CGN: variants seen among roughly 807,000 people sequenced by gnomAD.
The protein encoded by CGN is cingulin.
Under a neutral mutation model 157.1 loss-of-function variants are expected in CGN, and 121 were observed. The observed-to-expected ratio is 0.77, with a 90% CI of 0.66 to 0.90. CGN has a LOEUF of 0.90. CGN is among the 40% of genes least tolerant of loss of function. CGN has a pLI of 0.00. For synonymous variants in CGN, 535 were observed against 607.5 expected (o/e 0.88, Z 1.76); for missense variants, 1,424 against 1,520.9 (o/e 0.94, Z 1.06).
At chr1:151,522,015 C>T (rs575241433) in intron 5 of CGN, among the ~76,000 whole-genome samples, 3 of 152,172 alleles carry the variant, frequency 2.0e-5, no homozygotes, top group South Asian at 2.1e-4. Flanking sequence ...TGGTGGCTTA[C>T]GCCTATAATC....
At chr1:151,532,895 A>T (rs892690461) in intron 14 of CGN, among the ~76,000 whole-genome samples, 1 of 152,122 alleles carries the variant, frequency 6.6e-6, no homozygotes, top group Non-Finnish European at 1.5e-5. Context: ...CTAGGATAAC[A>T]GGCATGAGCC....
intron 13 of CGN, among the ~76,000 whole-genome samples, chr1:151,531,934 C>CAA (rs1435936029): frequency 7.9e-5 from 12 of 151,108 alleles, no homozygotes; most frequent in Admixed American, 2.0e-4. Context: ...TTTATCATTT[C>CAA]TGAAATAGAG....
In CGN at chr1:151,529,418, G is replaced by A; in HGVS notation, c.1965G>A (p.Gly655=). ...QAERQSQEVA[G]RHRDRELEKQ... ...AACGGCAGAGCCAGGAGGTGGCTGG[G>A]CGACACCGGGACCGGGAGTTGGAGA... Residue 655 remains glycine (G), a synonymous_variant, in exon 11 of 21, where the codon GGG becomes GGA. Transcript: ENST00000271636. The A allele has an allele frequency of 6.2e-7, 1 of 1,613,710 alleles. No homozygotes were observed. Among genetic ancestry groups the A allele is most frequent in the Non-Finnish European group, 8.5e-7 (1 of 1,179,868 alleles).
chr1:151,524,109 C>T lies in CGN; in HGVS notation c.1269-117C>T, dbSNP rs1664612137. On this transcript the variant is annotated intron_variant, in intron 6 of 20. Transcript: ENST00000271636. The surrounding 1 kb of genome is among the most constrained non-coding windows in gnomAD (Gnocchi z 4.4). ...GGCAGGTTGCAAAAATCAGGGGAGG[C>T]CTCATCAAGATTTGAAGGAAGGAAG... 2 of 994,950 alleles carry T rather than the reference C, an allele frequency of 2.0e-6. No homozygotes were observed. The highest frequency in any genetic ancestry group is 1.7e-5 in the South Asian group (1 of 60,258). 61.6% of individuals were successfully genotyped at this position (994,950 alleles called of 1,614,324 possible).
chr1:151,524,820 A>G lies in CGN; in HGVS notation c.1548A>G (p.Glu516=). Residue 516 remains glutamate (E), a synonymous_variant, in exon 8 of 21, where the codon GAA becomes GAG. Transcript: ENST00000271636. This position sits in a 1 kb window ranked among gnomAD's most constrained non-coding sequence, Gnocchi z 4.4. ...EEVASRDQEV[E]HVRQQYQRDT... ...TAGCCTCCCGTGACCAGGAGGTGGA[A>G]CATGTCCGGCAGCAGTACCAGCGAG... is the stretch of plus-strand genomic sequence containing the variant. The G allele has an allele frequency of 2.5e-6, 4 of 1,612,608 alleles. No homozygotes were observed. Among genetic ancestry groups the G allele is most frequent in the Non-Finnish European group, 8.5e-7 (1 of 1,179,984 alleles).
chr1:151,532,729 C>T (rs1664868499), intron 14 of CGN, among the ~76,000 whole-genome samples, 157 bp downstream of exon 14: 1 of 151,114 alleles, frequency 6.6e-6, no homozygotes. Flanking sequence ...ACACCATTCT[C>T]CTGCCTCAGC....
rs371324880 is a variant in CGN, at chr1:151,520,609, G to C, written c.1058G>C (p.Gly353Ala). The change falls in exon 5 of 21, where the codon GGT becomes GCT. Residue 353 changes from glycine to alanine, a missense_variant. This residue lies in a region of CGN where 1,187 missense variants were observed against 1,217.6 expected (regional missense o/e 0.97). Coordinates refer to ENST00000271636, the MANE Select transcript of CGN (RefSeq NM_020770.3). ...KMQPLVMVSS[G>A]STKAVAGQGE... ...TATCTCTGGCAGATGGTTTCTTCTG[G>C]TTCTACTAAGGCCGTGGCAGGGCAG... 2.7e-5 allele frequency: 43 copies of C among 1,614,090 alleles called. No individual in the cohort carries two copies. Among genetic ancestry groups the C allele is most frequent in the Non-Finnish European group, 3.5e-5 (41 of 1,180,052 alleles).
chr1:151,518,379 G>A, intron 1 of CGN, 127 bp from the exon 2 acceptor site: 1 of 747,420 alleles, frequency 1.3e-6, no homozygotes, highest in South Asian at 2.1e-5. Context: ...GCTCTCCAGG[G>A]GCCTTCTGTT....
chr1:151,524,311 C>G lies in CGN; in HGVS notation c.1354C>G (p.Leu452Val), dbSNP rs775817604. ...ETQVMELQNK[L>V]KHVQGPEPAK... ...CCAGGTGATGGAGCTGCAGAACAAG[C>G]TGAAACATGTCCAGGGTCCTGAGCC... The change falls in exon 7 of 21, where the codon CTG (leucine) becomes GTG (valine). Residue 452 changes from leucine (L) to valine (V), a missense_variant. By Grantham distance (32) the Leu-to-Val change is conservative (BLOSUM62 1). Transcript: ENST00000271636. This position sits in a 1 kb window ranked among gnomAD's most constrained non-coding sequence, Gnocchi z 4.4. 11 of 1,614,180 alleles carry G rather than the reference C, an allele frequency of 6.8e-6. No homozygotes were observed. The highest frequency in any genetic ancestry group is 1.3e-5 in the African/African-American group (1 of 75,038).
chr1:151,533,894 C>A, intron 14 of CGN, 81 bp from the exon 15 acceptor site: 2 of 1,227,554 alleles, frequency 1.6e-6, no homozygotes, highest in Non-Finnish European at 2.2e-6. Flanking sequence ...AATGTTTCTG[C>A]CCACTGGGCT....
chr1:151,533,756 T>G (rs1664893227), intron 14 of CGN, among the ~76,000 whole-genome samples: 1 of 152,144 alleles, frequency 6.6e-6, no homozygotes, highest in African/African-American at 2.4e-5. Context: ...ATCGCACCAC[T>G]GTACTCCAGC....
At chr1:151,529,238 TG>T in intron 10 of CGN, 111 bp from the exon 11 acceptor site, 1 of 810,370 alleles carries the variant, frequency 1.2e-6, no homozygotes, top group Non-Finnish European at 2.0e-6. Context: ...CTTTCCAAAG[TG>T]GCCACATCAG....
At chr1:151,513,564 A>G (rs183484851) in intron 1 of CGN, among the ~76,000 whole-genome samples, 1 of 152,328 alleles carries the variant, frequency 6.6e-6, no homozygotes, top group East Asian at 1.9e-4. Context: ...CCCGTTTTCT[A>G]AATCTGCCAA....
chr1:151,520,112 C>G, intron 2 of CGN, 54 bp from the exon 3 acceptor site: 1 of 1,422,280 alleles, frequency 7.0e-7, no homozygotes, highest in African/African-American at 1.4e-5. Flanking sequence ...CTGGCCTAAT[C>G]TTCCTATTTC....
At position 151,530,056 on chromosome 1, in the gene CGN, C is replaced by T; in HGVS notation, c.2254C>T (p.Leu752=). 1.2e-6 allele frequency: 2 copies of T among 1,614,092 alleles called. No homozygotes were observed. The highest frequency in any genetic ancestry group is 1.7e-6 in the Non-Finnish European group (2 of 1,180,004). ...LEQQLKETRG[L]VDGGEAVEAR... is the part of the protein sequence containing the mutation. Reference sequence around the variant, plus strand: ...GCAGCAGCTGAAGGAGACTCGAGGTCTGGTGGATGGTGGGGAAGCGGTGGA... The same window carrying T: ...GCAGCAGCTGAAGGAGACTCGAGGTTTGGTGGATGGTGGGGAAGCGGTGGA... Residue 752 remains leucine, a synonymous_variant, in exon 12 of 21, where the codon CTG becomes TTG. Transcript: ENST00000271636.
intron 10 of CGN, among the ~76,000 whole-genome samples, chr1:151,528,354 A>AT (rs933762086): frequency 1.6e-3 from 230 of 141,570 alleles, no homozygotes; most frequent in South Asian, 8.0e-3. Context: ...CCTTCATGGT[A>AT]TTTTTTTTTT....
At position 151,530,553 on chromosome 1, in the gene CGN, C is replaced by T. The variant is rs1204623305; in HGVS notation, c.2378C>T (p.Ala793Val). The change falls in exon 13 of 21, where the codon GCA becomes GTA. Residue 793 changes from alanine to valine, a missense_variant. Physicochemically the swap from Ala to Val is moderately conservative, Grantham distance 64 (BLOSUM62 0). Coordinates refer to ENST00000271636, the MANE Select transcript of CGN (RefSeq NM_020770.3). ...CAGGAAGAGGAGGGGAGTCTGGCAG[C>T]AGCCAAGCGGGCACTGGAGGCACGC... ...ASQEEEGSLA[A>V]AKRALEARLE... The T allele has an allele frequency of 6.2e-7, 1 of 1,607,858 alleles. No individual in the cohort carries two copies. Among genetic ancestry groups the T allele is most frequent in the East Asian group, 2.2e-5 (1 of 44,826 alleles).
intron 1 of CGN, among the ~76,000 whole-genome samples, chr1:151,516,931 G>A (rs933108072): frequency 5.3e-5 from 8 of 151,464 alleles, no homozygotes; most frequent in African/African-American, 1.2e-4. Context: ...AGGCTGAGGC[G>A]GGCAGATCAC....
At position 151,518,920 on chromosome 1, in the gene CGN, G is replaced by A. The variant is rs1664473737; in HGVS notation, c.401G>A (p.Arg134His). The A allele has an allele frequency of 3.1e-6, 5 of 1,614,002 alleles. No individual in the cohort carries two copies. Among genetic ancestry groups the A allele is most frequent in the East Asian group, 2.2e-5 (1 of 44,890 alleles). ...PGAYWNGKLL[R>H]SHSQASLAGP... Reference sequence around the variant, plus strand: ...GCCTACTGGAATGGAAAGCTACTCCGTTCCCACTCCCAGGCCTCACTGGCA... The same window carrying A: ...GCCTACTGGAATGGAAAGCTACTCCATTCCCACTCCCAGGCCTCACTGGCA... Residue 134 changes from arginine to histidine, a missense_variant, in exon 2 of 21, where the codon CGT becomes CAT. Coordinates refer to ENST00000271636, the MANE Select transcript of CGN (RefSeq NM_020770.3).
Sources: gnomAD v4.1 joint callset for allele counts (sites outside exome capture counted in the v4.1 genomes callset) on GRCh38, gnomAD v4.1.1 for gene constraint, gnomAD v4.1.1 regional missense constraint, Gnocchi (gnomAD v3.1) non-coding constraint, MANE v1.5 for transcripts, NCBI Gene and HGNC (gene_info 2026-07-23, HGNC 2026-07-21) for gene names.